Variants in DNAH12 observed in about 807,000 individuals in gnomAD.
DNAH12 encodes axonemal beta dynein heavy chain 12.
Under a neutral mutation model 371.5 loss-of-function variants are expected in DNAH12, and 285 were observed. The ratio of observed to expected loss-of-function variants is 0.77; its 90% CI spans 0.70 to 0.85. DNAH12 has a LOEUF of 0.85. DNAH12 is among the 40% of genes least tolerant of loss of function. The pLI is 0.00. For synonymous variants in DNAH12, 1,200 were observed against 1,213.0 expected (o/e 0.99, Z 0.22); for missense variants, 3,611 against 3,689.4 (o/e 0.98, Z 0.55).
chr3:57,391,042 C>T (rs1055453060), intron 45 of DNAH12, among the ~76,000 whole-genome samples: 3 of 152,128 alleles, frequency 2.0e-5, no homozygotes, highest in Non-Finnish European at 4.4e-5. Flanking sequence ...ATCCTCTCCC[C>T]ACCCTTCTCC....
rs79477679 is a variant in DNAH12 at position 57,332,218 on chromosome 3, C to T, written c.9978+2247G>A. 1.6e-4 allele frequency among the ~76,000 whole-genome samples: 25 copies of T among 152,242 alleles called. No individual in the cohort carries two copies. In the East Asian group the frequency reaches 4.6e-3, roughly 28 times the overall value. ...TGTTTTCTTTCTATTACAAAATTAT[C>T]CCTTTGTAATACTATGATCACCTTT... is the stretch of plus-strand genomic sequence containing the variant. On this transcript the variant is annotated intron_variant, in intron 62 of 73. Transcript: ENST00000495027.
chr3:57,534,187 A>G (rs2068946041), intron 2 of DNAH12, among the ~76,000 whole-genome samples: 1 of 152,156 alleles, frequency 6.6e-6, no homozygotes, highest in Non-Finnish European at 1.5e-5. Context: ...TGCACTCTCC[A>G]TCCCCAAGTG....
rs1230674831 is a variant in DNAH12 at position 57,353,160 on chromosome 3, C to G, written c.9534-935G>C. Among the ~76,000 whole-genome samples, 9 of 152,050 alleles carry G rather than the reference C, an allele frequency of 5.9e-5. No individual in the cohort carries two copies. In the South Asian group the frequency reaches 1.7e-3, roughly 28 times the overall value. ...AGTTACTGGGTGGAGTTGACTGATA[C>G]TCTTTATACTCTCATATTCCAAAAA... On this transcript the variant is annotated intron_variant, in intron 59 of 73. Coordinates refer to ENST00000495027, the MANE Select transcript of DNAH12 (RefSeq NM_001366028.2).
At chr3:57,383,623 T>C (rs1575527478) in intron 49 of DNAH12, among the ~76,000 whole-genome samples, 1 of 122,888 alleles carries the variant, frequency 8.1e-6, no homozygotes, top group African/African-American at 3.1e-5. Context: ...GTCATGTGAC[T>C]GTAGTCCCAG....
intron 39 of DNAH12, among the ~76,000 whole-genome samples, chr3:57,410,032 C>A (rs2064153561): frequency 6.6e-6 from 1 of 152,000 alleles, no homozygotes; most frequent in South Asian, 2.1e-4. Context: ...TGGGCACTAC[C>A]CACAAATTCT....
chr3:57,318,108 T>G (rs1017167700), intron 65 of DNAH12, among the ~76,000 whole-genome samples: 3 of 152,174 alleles, frequency 2.0e-5, no homozygotes, highest in African/African-American at 7.2e-5. Flanking sequence ...TTTCTCCCAT[T>G]CCTTAGGTTG....
At chr3:57,492,275 A>G (rs2067153248) in intron 11 of DNAH12, among the ~76,000 whole-genome samples, 1 of 152,086 alleles carries the variant, frequency 6.6e-6, no homozygotes, top group East Asian at 1.9e-4. Flanking sequence ...AGCCTGACCA[A>G]CATGGAGCAA....
intron 15 of DNAH12, among the ~76,000 whole-genome samples, chr3:57,471,065 C>A (rs2066351208): frequency 6.6e-6 from 1 of 151,880 alleles, no homozygotes; most frequent in African/African-American, 2.4e-5. Flanking sequence ...GCAAAAGGTA[C>A]AATTATGTCT....
At chr3:57,514,115 C>T (rs897202711) in intron 4 of DNAH12, among the ~76,000 whole-genome samples, 15 of 152,184 alleles carry the variant, frequency 9.9e-5, no homozygotes, top group African/African-American at 2.9e-4. Context: ...AAAATGCGGC[C>T]GGGTGCAGTG....
chr3:57,427,932 G>T (rs2064832510), intron 34 of DNAH12, among the ~76,000 whole-genome samples: 1 of 151,350 alleles, frequency 6.6e-6, no homozygotes, highest in Non-Finnish European at 1.5e-5. Flanking sequence ...TTGGTTTTGG[G>T]GTTTTTTTTT....
At chr3:57,390,602 G>T (rs1252891078) in intron 45 of DNAH12, among the ~76,000 whole-genome samples, 1 of 149,556 alleles carries the variant, frequency 6.7e-6, no homozygotes, top group Non-Finnish European at 1.5e-5. Flanking sequence ...ATTATCCAGG[G>T]TCAATGCACA....
intron 11 of DNAH12, chr3:57,493,654 A>C (rs1225501902): frequency 6.6e-6 from 1 of 152,236 alleles, no homozygotes; most frequent in East Asian, 1.9e-4. Context: ...AGCTGCCAAA[A>C]AAGCATTAAA....
chr3:57,424,980 A>T (rs1477250115), intron 35 of DNAH12, 42 bp downstream of exon 35: 1 of 683,042 alleles, frequency 1.5e-6, no homozygotes, highest in East Asian at 2.7e-5. Context: ...CCAGAAGCAT[A>T]ATTTATTTAT....
In DNAH12 at chr3:57,466,774, G is replaced by T. The variant is rs539878512; in HGVS notation, c.2349+1962C>A. ...TGCCCTTATTTTTTTTTGAGACAGG[G>T]TCTTACTCTGTTGTGCCCAGGAGTG... On this transcript the variant is annotated intron_variant, in intron 17 of 73. Transcript: ENST00000495027. Among the ~76,000 whole-genome samples the T allele has an allele frequency of 2.3e-4, 35 of 152,060 alleles. 1 individual carries two copies. In the South Asian group the frequency reaches 6.7e-3, roughly 29 times the overall value.
At chr3:57,439,952 A>G (rs1410878454) in intron 29 of DNAH12, among the ~76,000 whole-genome samples, 1 of 152,230 alleles carries the variant, frequency 6.6e-6, no homozygotes, top group African/African-American at 2.4e-5. Context: ...ATCGTCAGAG[A>G]AATGCAAATC....
chr3:57,323,256 C>T lies in DNAH12; in HGVS notation c.10134G>A (p.Leu3378=). The T allele has an allele frequency of 6.4e-7, 1 of 1,550,788 alleles. No individual in the cohort carries two copies. Among genetic ancestry groups the T allele is most frequent in the Non-Finnish European group, 8.7e-7 (1 of 1,146,942 alleles). Residue 3378 remains leucine (L), a synonymous_variant, in exon 64 of 74, where the codon CTG becomes CTA. Transcript: ENST00000495027. ...LSPGADPMAS[L]LKFANDKSMS... ...TAGATTTATCATTTGCAAATTTCAGCAGGCCTATAAGAGGCACAAAAAAAT... is the reference window on the plus strand; with the variant it reads ...TAGATTTATCATTTGCAAATTTCAGTAGGCCTATAAGAGGCACAAAAAAAT...
In DNAH12 at chr3:57,433,562, G is replaced by A. The variant is rs191387454; in HGVS notation, c.4840-55C>T. ...TCTCCTCATAAAATTAGATTTAGGA[G>A]TAAAACTATGAAAATACTTCACGTT... On this transcript the variant is annotated intron_variant, in intron 31 of 73. Transcript: ENST00000495027. 285 of 1,538,752 alleles carry A rather than the reference G, an allele frequency of 1.9e-4. 1 individual carries two copies. In the East Asian group the frequency reaches 6.0e-3, roughly 33 times the overall value.
intron 60 of DNAH12, among the ~76,000 whole-genome samples, chr3:57,345,560 C>G (rs2062520364): frequency 6.6e-6 from 1 of 152,158 alleles, no homozygotes; most frequent in East Asian, 1.9e-4. Context: ...TGAGCATCAC[C>G]TGACATTTTA....
intron 16 of DNAH12, among the ~76,000 whole-genome samples, chr3:57,469,381 T>A (rs1332738442): frequency 6.6e-6 from 1 of 152,230 alleles, no homozygotes; most frequent in Non-Finnish European, 1.5e-5. Flanking sequence ...GCACTATTGA[T>A]GGGACTGTAA....
Sources: gnomAD v4.1 joint callset for allele counts (sites outside exome capture counted in the v4.1 genomes callset) on GRCh38, gnomAD v4.1.1 for gene constraint, MANE v1.5 for transcripts, NCBI Gene and HGNC (gene_info 2026-07-23, HGNC 2026-07-21) for gene names.